Variants in GFRA2 observed in about 807,000 individuals in gnomAD.
GFRA2 encodes the protein GDNF family receptor alpha 2, also known as GDNF family receptor alpha-2.
GFRA2 carries 17 observed loss-of-function variants against 48.3 expected under a neutral mutation model. The observed-to-expected ratio is 0.35, with a 90% CI of 0.24 to 0.53. GFRA2 has a LOEUF of 0.53. Among genes scored for constraint, GFRA2 ranks in the 20% least tolerant of loss-of-function variants. GFRA2 has a pLI of 0.93. For synonymous variants in GFRA2, 305 were observed against 257.2 expected, an observed-to-expected ratio of 1.19 and a Z score of -1.78; for missense variants, 660 against 637.3, an observed-to-expected ratio of 1.04 and a Z score of -0.38.
chr8:21,781,726 G>T (rs1806998010), intron 2 of GFRA2, among the ~76,000 whole-genome samples: 1 of 152,118 alleles, frequency 6.6e-6, no homozygotes, highest in Admixed American at 6.5e-5. Context: ...ACAACACCTA[G>T]AGTGTAGCAG....
At chr8:21,802,572 C>G (rs1807790735) in intron 2 of GFRA2, among the ~76,000 whole-genome samples, 1 of 152,072 alleles carries the variant, frequency 6.6e-6, no homozygotes. Context: ...CCAGGATGGT[C>G]TAGAACTCCT....
chr8:21,700,214 G>C (rs374786192), intron 7 of GFRA2, among the ~76,000 whole-genome samples: 10 of 152,246 alleles, frequency 6.6e-5, no homozygotes, highest in African/African-American at 2.2e-4. Flanking sequence ...CAGTGGGATG[G>C]AGAGAAGGGC....
rs73669516 is a variant in GFRA2, at chr8:21,704,868, G to A, written c.1045+117C>T. On this transcript the variant is annotated intron_variant, in intron 6 of 8. Transcript: ENST00000524240. ...GGTCCCCACGGGCAACACCCATGGC[G>A]GAGAAGCCTCATCTACATCACCAGC... 286 of 826,592 alleles carry A rather than the reference G, an allele frequency of 3.5e-4. No individual in the cohort carries two copies. In the African/African-American group the frequency reaches 3.8e-3, roughly 11 times the overall value. The allele number at this position is 826,592 out of a possible 1,614,324, so 51.2% of individuals were successfully genotyped here.
chr8:21,713,312 C>A (rs1289667417), intron 4 of GFRA2, among the ~76,000 whole-genome samples: 1 of 151,992 alleles, frequency 6.6e-6, no homozygotes, highest in African/African-American at 2.4e-5. Flanking sequence ...AGCACCCCCG[C>A]CCCACCCACC....
chr8:21,809,595 A>G (rs947649002), intron 1 of GFRA2, among the ~76,000 whole-genome samples: 3 of 152,022 alleles, frequency 2.0e-5, no homozygotes, highest in East Asian at 1.9e-4. Context: ...CCAAAGTGCT[A>G]GGATTACAGG....
At chr8:21,701,791 T>C (rs1419319605) in intron 7 of GFRA2, among the ~76,000 whole-genome samples, 6 of 152,116 alleles carry the variant, frequency 3.9e-5, no homozygotes, top group Admixed American at 3.9e-4. Flanking sequence ...ACCAAGCAAC[T>C]GATGGCTCGG....
At chr8:21,725,161 G>A (rs1380413782) in intron 4 of GFRA2, among the ~76,000 whole-genome samples, 5 of 152,240 alleles carry the variant, frequency 3.3e-5, no homozygotes, top group Non-Finnish European at 7.3e-5. Flanking sequence ...AGTCTGGAGA[G>A]GCTGAGGAGC....
chr8:21,759,408 GAGAGGGAA>G (rs144218141), intron 3 of GFRA2, among the ~76,000 whole-genome samples: 40,340 of 136,416 alleles, frequency 0.3, 6,480 homozygotes, highest in East Asian at 0.42. Context: ...AAGGAAGAGA[GAGAGGGAA>G]AGAGGGAAAG....
At chr8:21,727,795 A>G (rs1181465245) in intron 4 of GFRA2, among the ~76,000 whole-genome samples, 9 of 152,174 alleles carry the variant, frequency 5.9e-5, no homozygotes, top group African/African-American at 1.9e-4. Context: ...ATGACAGCCC[A>G]TGTCCAGGGA....
intron 4 of GFRA2, among the ~76,000 whole-genome samples, chr8:21,733,059 T>C (rs1804275201): frequency 6.6e-6 from 1 of 152,198 alleles, no homozygotes; most frequent in African/African-American, 2.4e-5. Context: ...CGATGAAAAG[T>C]TCATTCTGAG....
intron 3 of GFRA2, among the ~76,000 whole-genome samples, chr8:21,765,052 G>A (rs1375806571): frequency 6.6e-6 from 1 of 151,860 alleles, no homozygotes; most frequent in Non-Finnish European, 1.5e-5. Flanking sequence ...TTGACTTCTG[G>A]GCTGCATCTG....
At position 21,750,548 on chromosome 8, in the gene GFRA2, G is replaced by T; in HGVS notation, c.794+40C>A. 2 of 1,172,868 alleles carry T rather than the reference G, an allele frequency of 1.7e-6. No individual in the cohort carries two copies. Among genetic ancestry groups the T allele is most frequent in the Non-Finnish European group, 1.2e-6 (1 of 810,452 alleles). 72.7% of individuals were successfully genotyped at this position (1,172,868 alleles called of 1,614,324 possible). A position where few individuals can be genotyped will look rare whatever the true frequency, so the allele number is the denominator to read the frequency against. ...GAAAACACAGCCTGGCAATGCAAGC[G>T]CCCTCCTGCCAGCACCACCGGGGCT... On this transcript the variant is annotated intron_variant, in intron 4 of 8. Transcript: ENST00000524240. This position sits in a 1 kb window ranked among gnomAD's most constrained non-coding sequence, Gnocchi z 5.7.
intron 3 of GFRA2, among the ~76,000 whole-genome samples, chr8:21,770,801 C>T (rs1229519024): frequency 2.0e-5 from 3 of 152,194 alleles, no homozygotes; most frequent in African/African-American, 7.2e-5. Context: ...TGTCCACCCA[C>T]TTCTCTCTAG....
In GFRA2 at chr8:21,702,862, G is replaced by T; in HGVS notation, c.1161C>A (p.Asp387Glu). The T allele has an allele frequency of 6.2e-7, 1 of 1,610,276 alleles. No homozygotes were observed. The highest frequency in any genetic ancestry group is 8.5e-7 in the Non-Finnish European group (1 of 1,178,078). ...RVEKTPSLPD[D>E]LSDSTSLGTS... ...TCCCCAAGCTGGTACTGTCACTGAG[G>T]TCATCTGGCAAAGAAGGCGTCTTCT... is the stretch of plus-strand genomic sequence containing the variant. The change falls in exon 7 of 9, where the codon GAC becomes GAA. Residue 387 changes from aspartate to glutamate, a missense_variant. Asp to Glu is a conservative substitution (Grantham distance 45). Coordinates refer to ENST00000524240, the MANE Select transcript of GFRA2 (RefSeq NM_001495.5).
intron 3 of GFRA2, among the ~76,000 whole-genome samples, chr8:21,770,652 T>G (rs1806394196): frequency 6.6e-6 from 1 of 152,050 alleles, no homozygotes; most frequent in Admixed American, 6.5e-5. Context: ...CCCCTGCCCC[T>G]CACCCAGGAT....
upstream of GFRA2, chr8:21,789,924 C>T (rs1206578726): frequency 7.4e-6 from 2 of 269,682 alleles, no homozygotes; most frequent in African/African-American, 4.6e-5. Flanking sequence ...CCGAGACCGA[C>T]CCGGGCCGGG....
upstream of GFRA2, chr8:21,790,181 G>C (rs1027824492): frequency 3.0e-5 from 24 of 803,580 alleles, no homozygotes; most frequent in Non-Finnish European, 3.6e-5. Context: ...GTTCCGGCGA[G>C]AGCGGGAGAG....
intron 3 of GFRA2, among the ~76,000 whole-genome samples, chr8:21,770,143 C>T (rs1241046937): frequency 1.3e-5 from 2 of 152,208 alleles, no homozygotes; most frequent in African/African-American, 4.8e-5. Context: ...CTGGAAATCA[C>T]CTGATCACCT....
At chr8:21,700,785 C>G (rs957681848) in intron 7 of GFRA2, among the ~76,000 whole-genome samples, 2 of 152,148 alleles carry the variant, frequency 1.3e-5, no homozygotes, top group South Asian at 2.1e-4. Flanking sequence ...AACCTTGCCT[C>G]TCCCTCTAGG....
Sources: allele counts gnomAD v4.1 joint callset (sites outside exome capture counted in the v4.1 genomes callset), GRCh38; gene constraint gnomAD v4.1.1; non-coding constraint Gnocchi (gnomAD v3.1); transcripts MANE v1.5; gene names NCBI Gene and HGNC (gene_info 2026-07-23, HGNC 2026-07-21).